ZNF26: variants seen among roughly 807,000 people sequenced by gnomAD.
The protein encoded by ZNF26 is epididymis luminal protein 179.
A neutral mutation model predicts 54.9 loss-of-function variants in ZNF26; 32 were observed. The observed-to-expected ratio is 0.58, with a 90% CI of 0.44 to 0.78. The LOEUF (loss-of-function observed/expected upper bound fraction) is 0.78. Among genes scored for constraint, ZNF26 ranks in the 30% least tolerant of loss-of-function variants. ZNF26 has a pLI of 0.00. For missense variants in ZNF26, 524 were observed against 634.0 expected (o/e 0.83, Z 1.86); for synonymous variants, 221 against 209.2 (o/e 1.06, Z -0.49).
chr12:132,999,036 A>G (rs1331540700), intron 1 of ZNF26, among the ~76,000 whole-genome samples: 1 of 152,146 alleles, frequency 6.6e-6, no homozygotes, highest in Non-Finnish European at 1.5e-5. Flanking sequence ...TCCAAACAGG[A>G]TGTCATTTGT....
Position 133,010,719 on chromosome 12 carries a change from C to T in ZNF26, c.840C>T (p.His280=). ...AGCTTCTTTTACACCAGAGAAGTCA[C>T]ACAGGAGTGAAACCGTATGAATGCA... ...KSQLLLHQRS[H]TGVKPYECSE... The change falls in exon 4 of 4, where the codon CAC becomes CAT. Residue 280 remains histidine (H), a synonymous_variant. Transcript: ENST00000328654. 1.9e-6 allele frequency: 3 copies of T among 1,613,448 alleles called. No individual in the cohort carries two copies. Among genetic ancestry groups the T allele is most frequent in the Non-Finnish European group, 2.5e-6 (3 of 1,179,640 alleles).
rs2137272258 is a variant in ZNF26, at chr12:133,015,957, A to G, written c.*4476A>G. ...GAAGTCTGAACTAGGTATGCCATAT[A>G]TTTCCATATATCTTCATTTGTCTTG... On this transcript the variant is annotated 3_prime_UTR_variant, in exon 4 of 4. Transcript: ENST00000328654. The G allele has an allele frequency of 6.6e-6, 1 of 152,066 alleles. No individual in the cohort carries two copies. The highest frequency in any genetic ancestry group is 2.4e-5 in the African/African-American group (1 of 41,488). 9.4% of individuals were successfully genotyped at this position (152,066 alleles called of 1,614,324 possible).
rs71079156 is a variant in ZNF26 at position 132,993,027 on chromosome 12, CTT to C, written c.33+6168_33+6169del. Among the ~76,000 whole-genome samples the C allele has an allele frequency of 5.1e-4, 66 of 129,394 alleles. 1 individual carries two copies. The highest frequency in any genetic ancestry group is 2.4e-3 in the South Asian group (10 of 4,096). The allele number at this position is 129,394 out of a possible 152,430, so 84.9% of individuals were successfully genotyped here. ...ACAGTGTTTTTGATCACTAGTATTTCTTTTTTTTTTTTTTTGAGATGGAGTCT... is the reference window on the plus strand; with the variant it reads ...ACAGTGTTTTTGATCACTAGTATTTCTTTTTTTTTTTTTGAGATGGAGTCT... On this transcript the variant is annotated intron_variant, in intron 1 of 3. Transcript: ENST00000328654.
intron 1 of ZNF26, among the ~76,000 whole-genome samples, chr12:133,003,773 C>A (rs1953268852): frequency 6.6e-6 from 1 of 152,138 alleles, no homozygotes. Flanking sequence ...TATAGAAAAG[C>A]CATCTAGCAT....
In ZNF26 at chr12:133,025,578, A is replaced by G. The variant is rs754700941; in HGVS notation, c.*14097A>G. On this transcript the variant is annotated 3_prime_UTR_variant, in exon 4 of 4. Transcript: ENST00000328654. ...AGTGTGCCTGCTATATATTTCTCCC[A>G]TGAGAGTTGAGGTCGACACCAGCTC... is the stretch of plus-strand genomic sequence containing the variant. 6.6e-6 allele frequency: 1 copy of G among 152,040 alleles called. No individual in the cohort carries two copies. Among genetic ancestry groups the G allele is most frequent in the Non-Finnish European group, 1.5e-5 (1 of 67,994 alleles). The allele number at this position is 152,040 out of a possible 1,614,324, so 9.4% of individuals were successfully genotyped here.
rs1953438857 is a variant in ZNF26 at position 133,010,241 on chromosome 12, A to G, written c.362A>G (p.Asp121Gly). 16 of 1,614,090 alleles carry G rather than the reference A, an allele frequency of 9.9e-6. No homozygotes were observed. Among genetic ancestry groups the G allele is most frequent in the Non-Finnish European group, 1.3e-5 (15 of 1,180,024 alleles). Reference sequence around the variant, plus strand: ...AGACTTAATCTGAGCAAAACCCATGATTCTTCAAGACAGAGACTCTATAAC... The same window carrying G: ...AGACTTAATCTGAGCAAAACCCATGGTTCTTCAAGACAGAGACTCTATAAC... Reference protein sequence around the residue: ...LGRLNLSKTHDSSRQRLYNTR... With the variant: ...LGRLNLSKTHGSSRQRLYNTR... The change falls in exon 4 of 4, where the codon GAT becomes GGT. Residue 121 changes from aspartate (D) to glycine (G), a missense_variant. By Grantham distance (94) the Asp-to-Gly change is moderately conservative. Transcript: ENST00000328654.
rs1285531873 is a variant in ZNF26, at chr12:133,011,321, C to G, written c.1442C>G (p.Pro481Arg). The G allele has an allele frequency of 5.0e-6, 8 of 1,613,908 alleles. No individual in the cohort carries two copies. In the African/African-American group the frequency reaches 1.1e-4, roughly 22 times the overall value. ...IHQKTHSGEK[P>R]FKCSECGKAF... Reference sequence around the variant, plus strand: ...CAGAAAACTCATTCGGGAGAGAAACCTTTTAAATGCAGTGAATGTGGAAAA... The same window carrying G: ...CAGAAAACTCATTCGGGAGAGAAACGTTTTAAATGCAGTGAATGTGGAAAA... The change falls in exon 4 of 4, where the codon CCT becomes CGT. Residue 481 changes from proline (P) to arginine (R), a missense_variant. Transcript: ENST00000328654.
At chr12:132,996,776 T>C (rs1953093805) in intron 1 of ZNF26, among the ~76,000 whole-genome samples, 1 of 152,228 alleles carries the variant, frequency 6.6e-6, no homozygotes, top group Non-Finnish European at 1.5e-5. Context: ...TGTGATCATA[T>C]AGGCATTTTC....
At position 133,015,428 on chromosome 12, in the gene ZNF26, G is replaced by GTATC. The variant is rs1430870804; in HGVS notation, c.*3951_*3954dup. Reference sequence around the variant, plus strand: ...TATGACACAATCCTAACTGTGGCATGTATCTATGTCTTCACTTGCATCGGC... The same window carrying GTATC: ...TATGACACAATCCTAACTGTGGCATGTATCTATCTATGTCTTCACTTGCATCGGC... On this transcript the variant is annotated 3_prime_UTR_variant, in exon 4 of 4. Coordinates refer to ENST00000328654, the MANE Select transcript of ZNF26 (RefSeq NM_019591.4). 1 of 151,326 alleles carries GTATC rather than the reference G, an allele frequency of 6.6e-6. No individual in the cohort carries two copies. Among genetic ancestry groups the GTATC allele is most frequent in the African/African-American group, 2.4e-5 (1 of 41,182 alleles). The allele number at this position is 151,326 out of a possible 1,614,324, so 9.4% of individuals were successfully genotyped here. A position where few individuals can be genotyped will look rare whatever the true frequency, so the allele number is the denominator to read the frequency against.
At chr12:132,999,174 T>C (rs1953155770) in intron 1 of ZNF26, among the ~76,000 whole-genome samples, 1 of 152,234 alleles carries the variant, frequency 6.6e-6, no homozygotes, top group East Asian at 1.9e-4. Context: ...AAGCCATGTC[T>C]GTGTCTCAGG....
At chr12:132,995,824 G>A (rs890310801) in intron 1 of ZNF26, among the ~76,000 whole-genome samples, 2 of 152,104 alleles carry the variant, frequency 1.3e-5, no homozygotes, top group Non-Finnish European at 2.9e-5. Flanking sequence ...GATAATTTTT[G>A]TATATTTAGT....
chr12:133,010,282 T>G lies in ZNF26; in HGVS notation c.403T>G (p.Leu135Val). 1 of 1,613,970 alleles carries G rather than the reference T, an allele frequency of 6.2e-7. No homozygotes were observed. The highest frequency in any genetic ancestry group is 1.3e-5 in the African/African-American group (1 of 74,978). Reference sequence around the variant, plus strand: ...ACTCTATAACACACGTGGAAAAAGTTTGACACAAAACTCAGCTCCAAGCAG... The same window carrying G: ...ACTCTATAACACACGTGGAAAAAGTGTGACACAAAACTCAGCTCCAAGCAG... ...QRLYNTRGKS[L>V]TQNSAPSRSY... is the part of the protein sequence containing the mutation. The change falls in exon 4 of 4, where the codon TTG becomes GTG. Residue 135 changes from leucine (L) to valine (V), a missense_variant. Physicochemically the swap from Leu to Val is conservative, Grantham distance 32 (BLOSUM62 1). Coordinates refer to ENST00000328654, the MANE Select transcript of ZNF26 (RefSeq NM_019591.4).
In ZNF26 at chr12:133,021,166, T is replaced by A. The variant is rs925758243; in HGVS notation, c.*9685T>A. ...CGGAATCTCACTCTGTCACCAAGGT[T>A]GAAGTGCAGTGGCACCGTGTCGGCT... On this transcript the variant is annotated 3_prime_UTR_variant, in exon 4 of 4. Coordinates refer to ENST00000328654, the MANE Select transcript of ZNF26 (RefSeq NM_019591.4). The A allele has an allele frequency of 7.0e-6, 1 of 143,820 alleles. No homozygotes were observed. Among genetic ancestry groups the A allele is most frequent in the Non-Finnish European group, 1.5e-5 (1 of 66,990 alleles). 8.9% of individuals were successfully genotyped at this position (143,820 alleles called of 1,614,324 possible). A position where few individuals can be genotyped will look rare whatever the true frequency, so the allele number is the denominator to read the frequency against.
At chr12:133,000,242 AT>A (rs1228410255) in intron 1 of ZNF26, among the ~76,000 whole-genome samples, 16 of 151,266 alleles carry the variant, frequency 1.1e-4, no homozygotes, top group Non-Finnish European at 2.2e-4. Flanking sequence ...TTTTACTTTT[AT>A]TCTTTTATTT....
At position 133,012,504 on chromosome 12, in the gene ZNF26, T is replaced by A. The variant is rs1384436300; in HGVS notation, c.*1023T>A. On this transcript the variant is annotated 3_prime_UTR_variant, in exon 4 of 4. Transcript: ENST00000328654. Reference sequence around the variant, plus strand: ...CAAGAATAACTGTGGATACGATCCCTTTAGAACCTGCTTCTCTGATCTGTG... The same window carrying A: ...CAAGAATAACTGTGGATACGATCCCATTAGAACCTGCTTCTCTGATCTGTG... The A allele has an allele frequency of 1.3e-5, 2 of 151,824 alleles. No individual in the cohort carries two copies. The highest frequency in any genetic ancestry group is 4.8e-5 in the African/African-American group (2 of 41,342). The allele number at this position is 151,824 out of a possible 1,614,324, so 9.4% of individuals were successfully genotyped here.
Position 133,010,977 on chromosome 12 carries a change from A to AGTTCACACAGG in ZNF26, c.1098_1099insGTTCACACAGG (p.Asn367ValfsTer27). 1 of 1,614,182 alleles carries AGTTCACACAGG rather than the reference A, an allele frequency of 6.2e-7. No homozygotes were observed. The highest frequency in any genetic ancestry group is 8.5e-7 in the Non-Finnish European group (1 of 1,180,024). ...TTGTACATCAGGGAGTTCACACAGG[A>AGTTCACACAGG]AATAATCCTTATCAATGCGGTGAAT... On this transcript the variant is annotated frameshift_variant, in exon 4 of 4. Transcript: ENST00000328654. LOFTEE classifies it high-confidence loss of function.
intron 1 of ZNF26, chr12:132,987,618 TG>T: frequency 1.2e-6 from 1 of 803,164 alleles, no homozygotes; most frequent in Non-Finnish European, 1.5e-6. Context: ...AGAGGGACCC[TG>T]GGAATGACTT....
At chr12:132,998,125 T>C (rs1953130481) in intron 1 of ZNF26, among the ~76,000 whole-genome samples, 2 of 151,998 alleles carry the variant, frequency 1.3e-5, no homozygotes. Flanking sequence ...TGACCAGCCA[T>C]GTAGGCTTCT....
At chr12:132,992,681 C>T (rs1452577818) in intron 1 of ZNF26, among the ~76,000 whole-genome samples, 1 of 152,194 alleles carries the variant, frequency 6.6e-6, no homozygotes, top group African/African-American at 2.4e-5. Flanking sequence ...CCAGATGGAG[C>T]CTCATCATAA....
Sources: gnomAD v4.1 joint callset for allele counts (sites outside exome capture counted in the v4.1 genomes callset) on GRCh38, gnomAD v4.1.1 for gene constraint, MANE v1.5 for transcripts, NCBI Gene and HGNC (gene_info 2026-07-23, HGNC 2026-07-21) for gene names.